Variants in CADPS2 observed in about 807,000 individuals in gnomAD.
The protein encoded by CADPS2 is calcium dependent secretion activator 2.
A neutral mutation model predicts 172.5 loss-of-function variants in CADPS2; 93 were observed. The observed-to-expected ratio is 0.54, with a 90% CI of 0.46 to 0.64. The LOEUF (loss-of-function observed/expected upper bound fraction) is 0.64, where lower values mean the gene tolerates loss of function less well. Ranked by LOEUF, CADPS2 falls within the 30% of genes least tolerant of loss-of-function variation. The pLI is 0.00. For synonymous variants in CADPS2, 546 were observed against 555.2 expected (o/e 0.98, Z 0.23); for missense variants, 1,420 against 1,565.9 (o/e 0.91, Z 1.57).
intron 2 of CADPS2, among the ~76,000 whole-genome samples, chr7:122,688,838 G>A (rs962025702): frequency 1.3e-5 from 2 of 152,158 alleles, no homozygotes; most frequent in African/African-American, 4.8e-5. Context: ...GCACAGCCAT[G>A]TTCCTTACAC....
chr7:122,487,882 T>C (rs1178650383), intron 11 of CADPS2, among the ~76,000 whole-genome samples: 10 of 152,182 alleles, frequency 6.6e-5, no homozygotes, highest in Admixed American at 6.6e-4. Context: ...TGAGATTAGA[T>C]GTATTCATAA....
rs572119300 is a variant in CADPS2, at chr7:122,819,262, A to T, written c.339+66737T>A. On this transcript the variant is annotated intron_variant, in intron 1 of 29. Coordinates refer to ENST00000449022, the MANE Select transcript of CADPS2 (RefSeq NM_017954.11). ...CAGGATTCCTCCTAAGCCACGTCCC[A>T]TCTGTGTGGGACCCCACTGAAAATC... 3.9e-5 allele frequency among the ~76,000 whole-genome samples: 6 copies of T among 152,242 alleles called. No individual in the cohort carries two copies. The South Asian group carries it at 6.2e-4, about 16-fold the overall frequency.
chr7:122,865,763 C>A (rs538335138), intron 1 of CADPS2, among the ~76,000 whole-genome samples: 2 of 152,278 alleles, frequency 1.3e-5, no homozygotes, highest in Non-Finnish European at 1.5e-5. Flanking sequence ...AGACTTCAAC[C>A]ACACAGCATT....
chr7:122,502,989 T>C (rs1419212294), intron 9 of CADPS2, among the ~76,000 whole-genome samples: 1 of 151,798 alleles, frequency 6.6e-6, no homozygotes, highest in Non-Finnish European at 1.5e-5. Context: ...AATATCTTGC[T>C]GGGAAAGCAC....
At chr7:122,479,263 C>T (rs2057031547) in intron 12 of CADPS2, among the ~76,000 whole-genome samples, 1 of 152,254 alleles carries the variant, frequency 6.6e-6, no homozygotes, top group South Asian at 2.1e-4. Flanking sequence ...TTAAAACTGG[C>T]CTATGTTTAG....
intron 14 of CADPS2, among the ~76,000 whole-genome samples, chr7:122,468,105 G>A (rs1265916412): frequency 3.3e-5 from 5 of 152,154 alleles, no homozygotes; most frequent in Admixed American, 6.5e-5. Context: ...CTGTGCAATA[G>A]GATGTGCTCC....
chr7:122,546,751 C>T (rs2063661600), intron 8 of CADPS2, among the ~76,000 whole-genome samples: 1 of 152,176 alleles, frequency 6.6e-6, no homozygotes, highest in East Asian at 1.9e-4. Flanking sequence ...AGTCTTGGTA[C>T]TGTCAGCCCA....
At chr7:122,747,085 C>T (rs751497347) in intron 1 of CADPS2, among the ~76,000 whole-genome samples, 12 of 152,038 alleles carry the variant, frequency 7.9e-5, no homozygotes, top group Non-Finnish European at 1.2e-4. Flanking sequence ...AAATAGCAGC[C>T]TGAGTGATCT....
intron 2 of CADPS2, among the ~76,000 whole-genome samples, chr7:122,736,093 TA>T (rs1393796399): frequency 6.6e-6 from 1 of 152,128 alleles, no homozygotes; most frequent in Non-Finnish European, 1.5e-5. Context: ...TGGGGTAAGG[TA>T]AACTTCTCTA....
intron 8 of CADPS2, among the ~76,000 whole-genome samples, chr7:122,541,782 C>A (rs1352399257): frequency 7.1e-6 from 1 of 141,118 alleles, no homozygotes; most frequent in Non-Finnish European, 1.5e-5. Context: ...CACATATATT[C>A]ATATATTTAT....
intron 29 of CADPS2, among the ~76,000 whole-genome samples, chr7:122,322,683 G>A (rs933167338): frequency 6.6e-6 from 1 of 152,154 alleles, no homozygotes; most frequent in Non-Finnish European, 1.5e-5. Flanking sequence ...ATCATTCTAA[G>A]GTAAAAACTT....
At chr7:122,336,939 A>C (rs890215568) in intron 28 of CADPS2, among the ~76,000 whole-genome samples, 6 of 152,192 alleles carry the variant, frequency 3.9e-5, no homozygotes, top group African/African-American at 1.4e-4. Flanking sequence ...AGCAAATCTG[A>C]GCACTGCTCA....
intron 17 of CADPS2, among the ~76,000 whole-genome samples, chr7:122,436,115 T>TA (rs1319958180): frequency 6.6e-6 from 1 of 152,122 alleles, no homozygotes; most frequent in Admixed American, 6.6e-5. Flanking sequence ...GCTCTTGTGT[T>TA]AAATATTTTT....
intron 1 of CADPS2, among the ~76,000 whole-genome samples, chr7:122,838,450 A>C (rs1326568387): frequency 6.6e-6 from 1 of 152,208 alleles, no homozygotes; most frequent in Non-Finnish European, 1.5e-5. Flanking sequence ...AGGAGGAAGA[A>C]AGAAAGGGTA....
At chr7:122,477,052 A>AAGAGAGAGAG (rs541881529) in intron 12 of CADPS2, among the ~76,000 whole-genome samples, 2 of 25,988 alleles carry the variant, frequency 7.7e-5, no homozygotes, top group African/African-American at 3.0e-4. Context: ...GGAGAGAGAG[A>AAGAGAGAGAG]AGAGAGAGAG....
chr7:122,657,598 T>C (rs1377083005), intron 3 of CADPS2, among the ~76,000 whole-genome samples: 4 of 152,208 alleles, frequency 2.6e-5, no homozygotes, highest in Non-Finnish European at 5.9e-5. Context: ...ATTTGTGATT[T>C]GGCTCTCTGT....
chr7:122,797,117 C>T (rs1208583559), intron 1 of CADPS2, among the ~76,000 whole-genome samples: 1 of 151,984 alleles, frequency 6.6e-6, no homozygotes, highest in Non-Finnish European at 1.5e-5. Context: ...TCAACATCAC[C>T]TATCATTAGA....
intron 14 of CADPS2, among the ~76,000 whole-genome samples, chr7:122,468,267 A>G (rs1401390878): frequency 6.6e-6 from 1 of 152,224 alleles, no homozygotes; most frequent in African/African-American, 2.4e-5. Context: ...TGTAAAAATG[A>G]TCATAAAATA....
chr7:122,407,001 A>C (rs2046727478), intron 20 of CADPS2, among the ~76,000 whole-genome samples: 1 of 152,224 alleles, frequency 6.6e-6, no homozygotes, highest in African/African-American at 2.4e-5. Context: ...TAAATTGAGA[A>C]TAAAAGTATC....
Sources: allele counts gnomAD v4.1 joint callset (sites outside exome capture counted in the v4.1 genomes callset), GRCh38; gene constraint gnomAD v4.1.1; transcripts MANE v1.5; gene names NCBI Gene and HGNC (gene_info 2026-07-23, HGNC 2026-07-21).